Variants in EIF2B5 observed in about 807,000 individuals in gnomAD.
EIF2B5 encodes the protein eukaryotic translation initiation factor 2B subunit epsilon, also known as translation initiation factor eIF2B subunit epsilon.
EIF2B5 carries 38 observed loss-of-function variants against 87.3 expected under a neutral mutation model. The observed-to-expected ratio is 0.44, with a 90% CI of 0.34 to 0.57. The LOEUF (loss-of-function observed/expected upper bound fraction) is 0.57. Among genes scored for constraint, EIF2B5 ranks in the 20% least tolerant of loss-of-function variants. EIF2B5 has a pLI of 0.02. For synonymous variants in EIF2B5, 313 were observed against 339.6 expected (o/e 0.92, Z 0.86); for missense variants, 784 against 909.5 (o/e 0.86, Z 1.78).
At chr3:184,137,499 G>T (rs2109006795) in intron 2 of EIF2B5, 121 bp from the exon 3 acceptor site, 1 of 936,064 alleles carries the variant, frequency 1.1e-6, no homozygotes, top group Non-Finnish European at 1.7e-6. Context: ...GAAGACGCTG[G>T]CAAGAACCCA....
In EIF2B5 at chr3:184,143,571, C is replaced by G; in HGVS notation, c.1869+6C>G. The G allele has an allele frequency of 6.2e-7, 1 of 1,614,148 alleles. No individual in the cohort carries two copies. The highest frequency in any genetic ancestry group is 1.1e-5 in the South Asian group (1 of 91,078). On this transcript the variant is annotated splice_donor_region_variant and intron_variant, in intron 13 of 15. Transcript: ENST00000648915. ...ACTGTGCCCTGCTGCTTCCTGTGAG[C>G]AAAGATTGGAGCTGAGTACAAGGGA...
At position 184,142,265 on chromosome 3, in the gene EIF2B5, C is replaced by T; in HGVS notation, c.1331C>T (p.Pro444Leu). ...QVVVGPNITLPEGSVISLHPP... is the reference protein window; with the variant it reads ...QVVVGPNITLLEGSVISLHPP... ...GTCGTGGGCCCAAATATCACGCTGCCTGAGGGCTCGGTGATCTCTTTGCAC... is the reference window on the plus strand; with the variant it reads ...GTCGTGGGCCCAAATATCACGCTGCTTGAGGGCTCGGTGATCTCTTTGCAC... The change falls in exon 9 of 16, where the codon CCT becomes CTT. Residue 444 changes from proline to leucine, a missense_variant. Pro to Leu is a moderately conservative substitution (Grantham distance 98). Transcript: ENST00000648915. This position sits in a 1 kb window ranked among gnomAD's most constrained non-coding sequence, Gnocchi z 5.0. 1.2e-6 allele frequency: 2 copies of T among 1,614,096 alleles called. No homozygotes were observed. Among genetic ancestry groups the T allele is most frequent in the Non-Finnish European group, 1.7e-6 (2 of 1,180,040 alleles).
chr3:184,139,178 C>T (rs530651885), intron 5 of EIF2B5, among the ~76,000 whole-genome samples: 2 of 151,966 alleles, frequency 1.3e-5, no homozygotes, highest in Admixed American at 1.3e-4. Context: ...ACCATATTGG[C>T]CAGGCTGGTC....
At position 184,137,749 on chromosome 3, in the gene EIF2B5, G is replaced by T. The variant is rs773972380; in HGVS notation, c.450G>T (p.Leu150=). 1.2e-6 allele frequency: 2 copies of T among 1,614,142 alleles called. No homozygotes were observed. Among genetic ancestry groups the T allele is most frequent in the Non-Finnish European group, 1.7e-6 (2 of 1,180,026 alleles). Residue 150 remains leucine, a synonymous_variant, in exon 3 of 16, where the codon CTG becomes CTT. Transcript: ENST00000648915. ...AKALVRSDFL[L]VYGDVISNIN... ...CTTTGGTGCGCTCTGACTTTCTTCT[G>T]GTGTATGGGGATGTCATCTCAAACA...
In EIF2B5 at chr3:184,142,823, C is replaced by A; in HGVS notation, c.1591C>A (p.Gln531Lys). Residue 531 changes from glutamine (Q) to lysine (K), a missense_variant, in exon 11 of 16, where the codon CAA becomes AAA. Around this residue, in one of 3 missense-constraint regions of EIF2B5, gnomAD observed 660 missense variants for 789.5 expected, o/e 0.84. Coordinates refer to ENST00000648915, the MANE Select transcript of EIF2B5 (RefSeq NM_003907.3). The surrounding 1 kb of genome is among the most constrained non-coding windows in gnomAD (Gnocchi z 5.0). ...AGAAGAGAGTGAAAGTGAAAGTGAG[C>A]AAAGTATGGATTCTGAGGAGCCGGA... Reference protein sequence around the residue: ...MEEESESESEQSMDSEEPDSR... With the variant: ...MEEESESESEKSMDSEEPDSR... 1 of 1,614,042 alleles carries A rather than the reference C, an allele frequency of 6.2e-7. No homozygotes were observed. The highest frequency in any genetic ancestry group is 8.5e-7 in the Non-Finnish European group (1 of 1,180,006).
chr3:184,137,210 T>A, intron 2 of EIF2B5: 1 of 353,236 alleles, frequency 2.8e-6, no homozygotes, highest in Non-Finnish European at 5.3e-6. Context: ...GCATTGCTTA[T>A]GGAAGTCCAG....
intron 5 of EIF2B5, among the ~76,000 whole-genome samples, chr3:184,139,333 T>C (rs994225582): frequency 3.6e-4 from 48 of 132,566 alleles, no homozygotes; most frequent in African/African-American, 1.3e-3. Context: ...CCAGGCTGGA[T>C]GCAATGGTGC....
In EIF2B5 at chr3:184,144,125, T is replaced by C; in HGVS notation, c.1896T>C (p.Phe632=). Residue 632 remains phenylalanine (F), a synonymous_variant, in exon 14 of 16, where the codon TTT becomes TTC. Transcript: ENST00000648915. ...LPLLKAWSPV[F]RNYIKRAADH... Reference sequence around the variant, plus strand: ...TGCTAAAGGCCTGGAGCCCTGTTTTTAGGAACTACATAAAGCGCGCAGCCG... The same window carrying C: ...TGCTAAAGGCCTGGAGCCCTGTTTTCAGGAACTACATAAAGCGCGCAGCCG... 1 of 1,614,220 alleles carries C rather than the reference T, an allele frequency of 6.2e-7. No homozygotes were observed. The highest frequency in any genetic ancestry group is 8.5e-7 in the Non-Finnish European group (1 of 1,180,038).
chr3:184,140,590 G>A lies in EIF2B5; in HGVS notation c.1016G>A (p.Arg339Gln), dbSNP rs113994069. The A allele has an allele frequency of 4.6e-5, 74 of 1,614,022 alleles. No individual in the cohort carries two copies. The highest frequency in any genetic ancestry group is 1.7e-4 in the Admixed American group (10 of 59,984). ...ACCACCCAGAGCTGCACTCATTCCC[G>A]GCACAACATCTACCGAGGGCCTGAG... is the stretch of plus-strand genomic sequence containing the variant. ...DSTTQSCTHSRHNIYRGPEVS... is the reference protein window; with the variant it reads ...DSTTQSCTHSQHNIYRGPEVS... Residue 339 changes from arginine (R) to glutamine (Q), a missense_variant, in exon 7 of 16, where the codon CGG becomes CAG. Physicochemically the swap from Arg to Gln is conservative, Grantham distance 43 (BLOSUM62 1). Coordinates refer to ENST00000648915, the MANE Select transcript of EIF2B5 (RefSeq NM_003907.3).
Position 184,145,075 on chromosome 3 carries a change from A to G in EIF2B5, c.*132A>G. On this transcript the variant is annotated 3_prime_UTR_variant, in exon 16 of 16. Coordinates refer to ENST00000648915, the MANE Select transcript of EIF2B5 (RefSeq NM_003907.3). This position sits in a 1 kb window ranked among gnomAD's most constrained non-coding sequence, Gnocchi z 4.0. ...GAGACTGAAAGGAGCAGAGGCTGGAACTACAGTATTCTTTCCCCTGCTAGC... is the reference window on the plus strand; with the variant it reads ...GAGACTGAAAGGAGCAGAGGCTGGAGCTACAGTATTCTTTCCCCTGCTAGC... The G allele has an allele frequency of 2.4e-6, 2 of 825,852 alleles. No homozygotes were observed. The highest frequency in any genetic ancestry group is 4.0e-6 in the Non-Finnish European group (2 of 495,046). The allele number at this position is 825,852 out of a possible 1,614,324, so 51.2% of individuals were successfully genotyped here. A position where few individuals can be genotyped will look rare whatever the true frequency, so the allele number is the denominator to read the frequency against.
intron 1 of EIF2B5, chr3:184,135,915 A>G (rs1412877437): frequency 1.3e-5 from 5 of 378,872 alleles, no homozygotes; most frequent in African/African-American, 6.2e-5. Context: ...ACGGTTGCTT[A>G]GGTGAAAAGA....
chr3:184,137,911 C>T lies in EIF2B5; in HGVS notation c.520C>T (p.Leu174=). ...ALEEHRLRRK[L]EKNVSVMTMI... is the part of the protein sequence containing the mutation. ...TGTCCTTTATAGGTTGAGACGGAAG[C>T]TAGAAAAAAATGTTTCTGTGATGAC... Residue 174 remains leucine, a synonymous_variant, in exon 4 of 16, where the codon CTA becomes TTA. Transcript: ENST00000648915. 6.2e-7 allele frequency: 1 copy of T among 1,614,112 alleles called. No individual in the cohort carries two copies. Among genetic ancestry groups the T allele is most frequent in the Admixed American group, 1.7e-5 (1 of 60,008 alleles).
chr3:184,135,494 G>A lies in EIF2B5; in HGVS notation c.109G>A (p.Glu37Lys). The A allele has an allele frequency of 6.3e-7, 1 of 1,580,868 alleles. No homozygotes were observed. Among genetic ancestry groups the A allele is most frequent in the Non-Finnish European group, 8.6e-7 (1 of 1,164,536 alleles). Residue 37 changes from glutamate to lysine, a missense_variant, in exon 1 of 16, where the codon GAG becomes AAG. This residue lies in a region of EIF2B5 where 117 missense variants were observed against 101.0 expected (regional missense o/e 1.16). Coordinates refer to ENST00000648915, the MANE Select transcript of EIF2B5 (RefSeq NM_003907.3). ...SGGGGARGAE[E>K]EPPPPLQAVL... Reference sequence around the variant, plus strand: ...TGGCGGGGGAGCCAGAGGGGCGGAGGAGGAACCGCCGCCGCCCCTACAAGC... The same window carrying A: ...TGGCGGGGGAGCCAGAGGGGCGGAGAAGGAACCGCCGCCGCCCCTACAAGC...
Position 184,140,151 on chromosome 3 carries a change from T to C in EIF2B5, c.837T>C (p.Asn279=), listed in dbSNP as rs774258154. The change falls in exon 6 of 16, where the codon AAT becomes AAC. Residue 279 remains asparagine (N), a synonymous_variant. Coordinates refer to ENST00000648915, the MANE Select transcript of EIF2B5 (RefSeq NM_003907.3). ...RDDFVRGLLV[N]EEILGNQIHM... is the part of the protein sequence containing the mutation. ...ACTTTGTGCGAGGTCTCTTAGTGAATGAGGAGGTGAGAAAAGTCTTCCAAT... is the reference window on the plus strand; with the variant it reads ...ACTTTGTGCGAGGTCTCTTAGTGAACGAGGAGGTGAGAAAAGTCTTCCAAT... 6.2e-7 allele frequency: 1 copy of C among 1,613,648 alleles called. No homozygotes were observed.
chr3:184,143,506 C>G lies in EIF2B5; in HGVS notation c.1810C>G (p.Pro604Ala), dbSNP rs1377344539. The G allele has an allele frequency of 6.2e-7, 1 of 1,614,162 alleles. No individual in the cohort carries two copies. The highest frequency in any genetic ancestry group is 8.5e-7 in the Non-Finnish European group (1 of 1,180,042). The change falls in exon 13 of 16, where the codon CCC (proline) becomes GCC (alanine). Residue 604 changes from proline to alanine, a missense_variant. Coordinates refer to ENST00000648915, the MANE Select transcript of EIF2B5 (RefSeq NM_003907.3). ...ACTGAGCCACGTGGTCCTGGAGTTC[C>G]CCCTGCAACAGATGGATTCCCCGCT... is the stretch of plus-strand genomic sequence containing the variant. ...QVLSHVVLEFPLQQMDSPLDS... is the reference protein window; with the variant it reads ...QVLSHVVLEFALQQMDSPLDS...
At chr3:184,139,270 ATTTTTTTTTTTTTTTTTT>A (rs1196978595) in intron 5 of EIF2B5, among the ~76,000 whole-genome samples, 1 of 48,012 alleles carries the variant, frequency 2.1e-5, no homozygotes, top group African/African-American at 9.3e-5. Flanking sequence ...TGCACCCAGC[ATTTTTTTTTTTTTTTTTT>A]TTTTTTTTTT....
chr3:184,145,013 A>G lies in EIF2B5; in HGVS notation c.*70A>G. On this transcript the variant is annotated 3_prime_UTR_variant, in exon 16 of 16. Transcript: ENST00000648915. The surrounding 1 kb of genome is among the most constrained non-coding windows in gnomAD (Gnocchi z 4.0). ...GCTCCTGGGCTGGGACAAGTGAGGA[A>G]CTAGCTGCAGAGGGATGAGTGACCA... The G allele has an allele frequency of 6.9e-7, 1 of 1,444,152 alleles. No individual in the cohort carries two copies. The highest frequency in any genetic ancestry group is 1.4e-5 in the African/African-American group (1 of 71,794). 89.5% of individuals were successfully genotyped at this position (1,444,152 alleles called of 1,614,324 possible).
Position 184,140,069 on chromosome 3 carries a change from C to T in EIF2B5, c.766-11C>T, listed in dbSNP as rs1177871473. 1.2e-6 allele frequency: 2 copies of T among 1,609,406 alleles called. No individual in the cohort carries two copies. The highest frequency in any genetic ancestry group is 2.2e-5 in the East Asian group (1 of 44,830). ...TACTTAATTCTAGCCCACTCCACTT[C>T]CCTTCCACAGGTGGCACAACTCTTT... On this transcript the variant is annotated splice_polypyrimidine_tract_variant and intron_variant, in intron 5 of 15. Coordinates refer to ENST00000648915, the MANE Select transcript of EIF2B5 (RefSeq NM_003907.3).
intron 2 of EIF2B5, chr3:184,137,235 G>A: frequency 2.7e-6 from 1 of 369,360 alleles, no homozygotes; most frequent in Admixed American, 4.2e-5. Flanking sequence ...TAAAGACTAG[G>A]ACATTAGCAT....
Sources: allele counts gnomAD v4.1 joint callset (sites outside exome capture counted in the v4.1 genomes callset), GRCh38; gene constraint gnomAD v4.1.1; regional missense constraint gnomAD v4.1.1; non-coding constraint Gnocchi (gnomAD v3.1); transcripts MANE v1.5; gene names NCBI Gene and HGNC (gene_info 2026-07-23, HGNC 2026-07-21).